Variants in TNRC18 observed in about 807,000 individuals in gnomAD.
TNRC18 encodes the protein trinucleotide repeat-containing gene 18 protein.
In TNRC18, 69 loss-of-function variants were observed where a neutral mutation model predicts 226.7. The observed-to-expected ratio is 0.30, with a 90% CI of 0.25 to 0.37. The LOEUF is 0.37. Ranked by LOEUF, TNRC18 falls within the 10% of genes least tolerant of loss-of-function variation. The pLI is 1.00. For missense variants in TNRC18, 4,754 were observed against 4,256.6 expected, an observed-to-expected ratio of 1.12 and a Z score of -3.25; for synonymous variants, 2,449 against 1,927.6, an observed-to-expected ratio of 1.27 and a Z score of -7.09.
chr7:5,361,729 A>T lies in TNRC18; in HGVS notation c.4533-7T>A. The T allele has an allele frequency of 1.3e-6, 2 of 1,563,596 alleles. No homozygotes were observed. The highest frequency in any genetic ancestry group is 1.7e-6 in the Non-Finnish European group (2 of 1,154,866). ...GGGTTCCTCGCGCCTGTCCCTTAAA[A>T]AGAATCACACGCTTGGCTGTGACGC... On this transcript the variant is annotated splice_region_variant and splice_polypyrimidine_tract_variant and intron_variant, in intron 13 of 29. Transcript: ENST00000430969.
At chr7:5,358,172 A>G (rs964085267) in intron 15 of TNRC18, among the ~76,000 whole-genome samples, 1 of 152,048 alleles carries the variant, frequency 6.6e-6, no homozygotes, top group Non-Finnish European at 1.5e-5. Flanking sequence ...CGAAGCTGCC[A>G]AAAAAAATGC....
Position 5,367,743 on chromosome 7 carries a change from G to T in TNRC18, c.4219+2632C>A, listed in dbSNP as rs1793752580. Among the ~76,000 whole-genome samples the T allele has an allele frequency of 1.1e-4, 17 of 149,520 alleles. No individual in the cohort carries two copies. The South Asian group carries it at 3.6e-3, about 32-fold the overall frequency. The stretch of plus-strand genomic sequence containing the variant: ...GTGCCTGGCCAACCAAGGGAATTTT[G>T]ATTTTCTTCTACCCAAAAAAAAAAA... On this transcript the variant is annotated intron_variant, in intron 11 of 29. Coordinates refer to ENST00000430969, the MANE Select transcript of TNRC18 (RefSeq NM_001080495.3).
intron 5 of TNRC18, 22 bp downstream of exon 5, chr7:5,387,650 C>A: frequency 6.2e-7 from 1 of 1,601,404 alleles, no homozygotes; most frequent in Middle Eastern, 1.7e-4. Context: ...CTACCCGCAC[C>A]TGGGCTCTGC....
intron 5 of TNRC18, among the ~76,000 whole-genome samples, chr7:5,385,651 T>G (rs1416475334): frequency 2.0e-5 from 3 of 148,120 alleles, no homozygotes. Context: ...ACCACTGCAC[T>G]CCAGCGTGGT....
In TNRC18 at chr7:5,325,265, CAG is replaced by C; in HGVS notation, c.6148-19_6148-18del. On this transcript the variant is annotated intron_variant, in intron 19 of 29. Coordinates refer to ENST00000430969, the MANE Select transcript of TNRC18 (RefSeq NM_001080495.3). The stretch of plus-strand genomic sequence containing the variant: ...TTTCTTCTTCTGGAGGAGGAAGCAG[CAG>C]AGAGGAGCCATCAAACGGCAGGGAA... 6.5e-7 allele frequency: 1 copy of C among 1,546,462 alleles called. No homozygotes were observed. Among genetic ancestry groups the C allele is most frequent in the Non-Finnish European group, 8.7e-7 (1 of 1,152,462 alleles).
rs758728090 is a variant in TNRC18 at position 5,325,174 on chromosome 7, G to C, written c.6222C>G (p.Ala2074=). Residue 2074 remains alanine, a synonymous_variant, in exon 20 of 30, where the codon GCC becomes GCG. Coordinates refer to ENST00000430969, the MANE Select transcript of TNRC18 (RefSeq NM_001080495.3). The part of the protein sequence containing the change: ...PPRAPALPSE[A]RAPHASSLTA... The stretch of plus-strand genomic sequence containing the variant: ...TCAGGGAGCTGGCGTGAGGAGCCCT[G>C]GCCTCAGAGGGCAAGGCAGGAGCTC... 4 of 1,553,496 alleles carry C rather than the reference G, an allele frequency of 2.6e-6. No homozygotes were observed. Among genetic ancestry groups the C allele is most frequent in the East Asian group, 2.4e-5 (1 of 41,364 alleles).
chr7:5,364,744 C>T (rs548891844), intron 11 of TNRC18, among the ~76,000 whole-genome samples: 32 of 133,144 alleles, frequency 2.4e-4, no homozygotes, highest in Non-Finnish European at 4.3e-4. Flanking sequence ...GCAGAGGTTG[C>T]GGGGAGGCAT....
chr7:5,376,697 G>A lies in TNRC18; in HGVS notation c.2608+150C>T, dbSNP rs1778999560. 8.7e-6 allele frequency: 8 copies of A among 918,162 alleles called. No homozygotes were observed. The South Asian group carries it at 1.4e-4, about 16-fold the overall frequency. The allele number at this position is 918,162 out of a possible 1,614,324, so 56.9% of individuals were successfully genotyped here. On this transcript the variant is annotated intron_variant, in intron 8 of 29. Transcript: ENST00000430969. ...AGGACCCCAAGGCTTTACAACACTG[G>A]CAACAGATGTTCTCTCTGAACCCCG...
At position 5,313,303 on chromosome 7, in the gene TNRC18, CG is replaced by C; in HGVS notation, c.7587del (p.Pro2531ArgfsTer270). 6.5e-7 allele frequency: 1 copy of C among 1,548,730 alleles called. No homozygotes were observed. On this transcript the variant is annotated frameshift_variant, in exon 27 of 30. Coordinates refer to ENST00000430969, the MANE Select transcript of TNRC18 (RefSeq NM_001080495.3). LOFTEE classifies it high-confidence loss of function. Reference sequence around the variant, plus strand: ...GAGTCCTCGAACGTGAGCCCCGGCCCGGGCTCCTGGGCGAGGTCCCCGTCGG... The same window carrying C: ...GAGTCCTCGAACGTGAGCCCCGGCCCGGCTCCTGGGCGAGGTCCCCGTCGG... The part of the protein sequence containing the change: ...KATDGDLAQE[P>X]GPGLTFEDSG...
At position 5,344,779 on chromosome 7, in the gene TNRC18, C is replaced by T. The variant is rs181402440; in HGVS notation, c.5719+783G>A. Among the ~76,000 whole-genome samples, 47 of 152,308 alleles carry T rather than the reference C, an allele frequency of 3.1e-4. No homozygotes were observed. In the East Asian group the frequency reaches 7.0e-3, roughly 23 times the overall value. On this transcript the variant is annotated intron_variant, in intron 18 of 29. Coordinates refer to ENST00000430969, the MANE Select transcript of TNRC18 (RefSeq NM_001080495.3). ...CCATCTCCATCTCCGGCACTGACCCCAGCTGCAGGTGAGCTGCGTCCGTGT... is the reference window on the plus strand; with the variant it reads ...CCATCTCCATCTCCGGCACTGACCCTAGCTGCAGGTGAGCTGCGTCCGTGT...
intron 2 of TNRC18, among the ~76,000 whole-genome samples, chr7:5,416,342 G>A (rs1584128325): frequency 1.3e-5 from 2 of 151,884 alleles, no homozygotes; most frequent in South Asian, 4.1e-4. Context: ...GTGAACCCGG[G>A]AGGCAGAGCT....
intron 19 of TNRC18, among the ~76,000 whole-genome samples, chr7:5,329,233 G>A (rs1248687896): frequency 1.3e-5 from 2 of 151,758 alleles, no homozygotes; most frequent in Non-Finnish European, 2.9e-5. Context: ...AATCTGGGAG[G>A]CAGAGGTTTC....
chr7:5,368,480 T>C (rs1793842665), intron 11 of TNRC18, among the ~76,000 whole-genome samples: 2 of 151,864 alleles, frequency 1.3e-5, no homozygotes, highest in African/African-American at 4.8e-5. Flanking sequence ...CTGGCCAACA[T>C]GGTGAAACCC....
At chr7:5,389,385 C>T in intron 4 of TNRC18, 49 bp from the exon 5 acceptor site, 1 of 1,230,640 alleles carries the variant, frequency 8.1e-7, no homozygotes, top group Non-Finnish European at 1.0e-6. Flanking sequence ...CCTCCCCTCC[C>T]ACCCCTGCCT....
intron 2 of TNRC18, among the ~76,000 whole-genome samples, chr7:5,416,922 G>A (rs1430855838): frequency 6.6e-6 from 1 of 151,666 alleles, no homozygotes; most frequent in African/African-American, 2.4e-5. Context: ...GTTTGAGGCT[G>A]CAATGAGCTA....
intron 18 of TNRC18, among the ~76,000 whole-genome samples, chr7:5,338,657 A>G (rs1790358333): frequency 6.7e-6 from 1 of 150,072 alleles, no homozygotes; most frequent in South Asian, 2.1e-4. Context: ...ACAGTAGCTC[A>G]CGCCTGTAAT....
At position 5,388,993 on chromosome 7, in the gene TNRC18, C is replaced by T; in HGVS notation, c.831G>A (p.Gln277=). The change falls in exon 5 of 30, where the codon CAG becomes CAA. Residue 277 remains glutamine (Q), a synonymous_variant. Transcript: ENST00000430969. ...AESKTKNAAL[Q]PSVLTMCNGG... ...CGTTGCACATGGTCAGTACCGACGG[C>T]TGCAGCGCCGCATTCTTGGTCTTGG... 1 of 1,364,460 alleles carries T rather than the reference C, an allele frequency of 7.3e-7. No individual in the cohort carries two copies. Among genetic ancestry groups the T allele is most frequent in the Non-Finnish European group, 9.5e-7 (1 of 1,051,154 alleles). The allele number at this position is 1,364,460 out of a possible 1,614,324, so 84.5% of individuals were successfully genotyped here. A position where few individuals can be genotyped will look rare whatever the true frequency, so the allele number is the denominator to read the frequency against.
intron 19 of TNRC18, among the ~76,000 whole-genome samples, chr7:5,329,131 T>G (rs1160466321): frequency 6.6e-6 from 1 of 151,548 alleles, no homozygotes; most frequent in African/African-American, 2.4e-5. Flanking sequence ...GGCGAAACCT[T>G]GTCTCTACTA....
chr7:5,414,692 G>A lies in TNRC18; in HGVS notation c.187+6368C>T, dbSNP rs539772007. On this transcript the variant is annotated intron_variant, in intron 2 of 29. Coordinates refer to ENST00000430969, the MANE Select transcript of TNRC18 (RefSeq NM_001080495.3). ...CTCCCAAAGTACTGGGATTACAGGC[G>A]TGAGCCACTGCGCCCGGCCCACATT... Among the ~76,000 whole-genome samples the A allele has an allele frequency of 3.3e-5, 5 of 152,306 alleles. No individual in the cohort carries two copies. In the East Asian group the frequency reaches 5.8e-4, roughly 18 times the overall value.
Sources: allele counts gnomAD v4.1 joint callset (sites outside exome capture counted in the v4.1 genomes callset), GRCh38; gene constraint gnomAD v4.1.1; transcripts MANE v1.5; gene names NCBI Gene and HGNC (gene_info 2026-07-23, HGNC 2026-07-21).